SH3BGR: variants seen among roughly 807,000 people sequenced by gnomAD.
The protein encoded by SH3BGR is SH3 domain-binding glutamic acid-rich protein.
SH3BGR carries 29 observed loss-of-function variants against 24.5 expected under a neutral mutation model. The ratio of observed to expected loss-of-function variants is 1.18; its 90% CI spans 0.88 to 1.61. The LOEUF is 1.61. Among genes scored for constraint, SH3BGR ranks in the 40% most tolerant of loss-of-function variants. The pLI is 0.00. For synonymous variants in SH3BGR, 55 were observed against 65.7 expected (o/e 0.84, Z 0.79); for missense variants, 162 against 205.8 (o/e 0.79, Z 1.30).
At chr21:39,486,336 A>G (rs1050102980) in intron 3 of SH3BGR, among the ~76,000 whole-genome samples, 22 of 152,226 alleles carry the variant, frequency 1.4e-4, no homozygotes, top group African/African-American at 4.6e-4. Flanking sequence ...ATTTTAGACA[A>G]ATTACTTATA....
intron 2 of SH3BGR, among the ~76,000 whole-genome samples, chr21:39,466,108 C>T (rs898029202): frequency 2.0e-5 from 3 of 152,110 alleles, no homozygotes; most frequent in African/African-American, 7.2e-5. Flanking sequence ...AAAGTACATA[C>T]GCGTCTCACA....
intron 3 of SH3BGR, among the ~76,000 whole-genome samples, chr21:39,488,166 T>C (rs959844122): frequency 6.6e-6 from 1 of 152,208 alleles, no homozygotes; most frequent in Non-Finnish European, 1.5e-5. Flanking sequence ...AAATTTTGAC[T>C]AAGCCCACTG....
chr21:39,467,823 T>G (rs550093677), intron 2 of SH3BGR, among the ~76,000 whole-genome samples: 1 of 152,306 alleles, frequency 6.6e-6, no homozygotes, highest in Non-Finnish European at 1.5e-5. Context: ...CCTCAGTGCC[T>G]TCCTGCCCCT....
chr21:39,449,600 A>AT, upstream of SH3BGR, among the ~76,000 whole-genome samples: 2 of 152,320 alleles, frequency 1.3e-5, no homozygotes, highest in Admixed American at 1.3e-4. Flanking sequence ...GAGTTTTCAG[A>AT]TTTTTAATTT....
intron 6 of SH3BGR, among the ~76,000 whole-genome samples, chr21:39,513,678 T>TG (rs1490365995): frequency 4.6e-5 from 7 of 152,112 alleles, no homozygotes; most frequent in African/African-American, 1.7e-4. Flanking sequence ...AGGAGTGGGT[T>TG]GGGACTCATT....
chr21:39,492,257 A>G (rs2078311667), intron 3 of SH3BGR, among the ~76,000 whole-genome samples: 2 of 151,954 alleles, frequency 1.3e-5, no homozygotes, highest in African/African-American at 2.4e-5. Context: ...CTGAGTCCCC[A>G]AAGTCCATTG....
At chr21:39,498,283 G>GGT (rs146231150) in intron 3 of SH3BGR, among the ~76,000 whole-genome samples, 8 of 151,922 alleles carry the variant, frequency 5.3e-5, no homozygotes, top group East Asian at 1.9e-4. Context: ...GGGATTGGAG[G>GGT]GTGTGTGTGT....
At position 39,492,466 on chromosome 21, in the gene SH3BGR, G is replaced by GTGTGTGTGTGTATAT. The variant is rs1404293146; in HGVS notation, c.313-7356_313-7355insGTGTGTGTGTATATT. Among the ~76,000 whole-genome samples the GTGTGTGTGTGTATAT allele has an allele frequency of 1.1e-3, 150 of 139,770 alleles. 2 individuals are homozygous for GTGTGTGTGTGTATAT. The highest frequency in any genetic ancestry group is 3.8e-3 in the African/African-American group (134 of 34,840). The allele number at this position is 139,770 out of a possible 152,430, so 91.7% of individuals were successfully genotyped here. ...TTGGTGTGTGTGTGTGTGTGTGTGTGTATATATATATATATACACACACAC... is the reference window on the plus strand; with the variant it reads ...TTGGTGTGTGTGTGTGTGTGTGTGTGTGTGTGTGTGTATATTATATATATATATATACACACACAC... On this transcript the variant is annotated intron_variant, in intron 3 of 6. Coordinates refer to ENST00000333634, the MANE Select transcript of SH3BGR (RefSeq NM_007341.3).
chr21:39,479,753 ACTT>A lies in SH3BGR; in HGVS notation c.312+4545_312+4547del, dbSNP rs553597848. 3.7e-4 allele frequency among the ~76,000 whole-genome samples: 57 copies of A among 152,188 alleles called. No individual in the cohort carries two copies. The South Asian group carries it at 0.011, about 29-fold the overall frequency. ...AGGGATGAGGAGGGAAACTAAATCT[ACTT>A]CTTCTTTCTCTCACATCGCTCTTTG... On this transcript the variant is annotated intron_variant, in intron 3 of 6. Coordinates refer to ENST00000333634, the MANE Select transcript of SH3BGR (RefSeq NM_007341.3).
chr21:39,514,938 C>T, intron 6 of SH3BGR, 150 bp from the exon 7 acceptor site: 1 of 279,250 alleles, frequency 3.6e-6, no homozygotes, highest in Non-Finnish European at 7.2e-6. Flanking sequence ...GACAAATTCC[C>T]TTTCCTTTCA....
chr21:39,478,364 C>T (rs2078062655), intron 3 of SH3BGR, among the ~76,000 whole-genome samples: 1 of 152,220 alleles, frequency 6.6e-6, no homozygotes, highest in African/African-American at 2.4e-5. Flanking sequence ...CTTCCCACTT[C>T]CAGAGCTGCT....
upstream of SH3BGR, among the ~76,000 whole-genome samples, chr21:39,451,167 A>G (rs970415579): frequency 6.6e-6 from 1 of 152,218 alleles, no homozygotes; most frequent in Non-Finnish European, 1.5e-5. Context: ...AAATATTAAC[A>G]TGTATAAACA....
intron 6 of SH3BGR, among the ~76,000 whole-genome samples, chr21:39,512,745 T>C (rs2078717842): frequency 6.6e-6 from 1 of 152,008 alleles, no homozygotes. Flanking sequence ...TGAGCCAAGA[T>C]TGCACCACTG....
intron 4 of SH3BGR, among the ~76,000 whole-genome samples, chr21:39,506,432 T>A (rs2078584348): frequency 6.6e-6 from 1 of 152,174 alleles, no homozygotes; most frequent in Admixed American, 6.5e-5. Context: ...AGGAGGTGTA[T>A]TAGTCTGTTC....
In SH3BGR at chr21:39,487,139, T is replaced by G. The variant is rs555723825; in HGVS notation, c.312+11924T>G. On this transcript the variant is annotated intron_variant, in intron 3 of 6. Coordinates refer to ENST00000333634, the MANE Select transcript of SH3BGR (RefSeq NM_007341.3). ...ACAGAGATATACACAGCCATAACAA[T>G]GTTTTTTTGTTTCTGTTTTTTGAGG... 1.8e-4 allele frequency among the ~76,000 whole-genome samples: 28 copies of G among 151,856 alleles called. 1 individual carries two copies. In the South Asian group the frequency reaches 5.6e-3, roughly 31 times the overall value.
chr21:39,470,423 T>C (rs1403698648), intron 2 of SH3BGR, among the ~76,000 whole-genome samples: 2 of 152,076 alleles, frequency 1.3e-5, no homozygotes, highest in Admixed American at 6.6e-5. Context: ...CATGCCCTGC[T>C]AATTTTTTTG....
chr21:39,501,024 G>A (rs1388322824), intron 4 of SH3BGR, among the ~76,000 whole-genome samples: 1 of 152,212 alleles, frequency 6.6e-6, no homozygotes, highest in Non-Finnish European at 1.5e-5. Flanking sequence ...CTAGAAGTTA[G>A]ACGGTGTTTC....
intron 3 of SH3BGR, among the ~76,000 whole-genome samples, chr21:39,486,293 A>T (rs1372623862): frequency 6.6e-6 from 1 of 152,244 alleles, no homozygotes; most frequent in Non-Finnish European, 1.5e-5. Context: ...TTTCTGTGAC[A>T]TGCAAAACGA....
intron 2 of SH3BGR, among the ~76,000 whole-genome samples, chr21:39,472,761 A>C (rs965024349): frequency 2.6e-5 from 4 of 152,046 alleles, no homozygotes; most frequent in Admixed American, 6.6e-5. Flanking sequence ...ATTCATATTT[A>C]CTTTGAAGGC....
Sources: allele counts gnomAD v4.1 joint callset (sites outside exome capture counted in the v4.1 genomes callset), GRCh38; gene constraint gnomAD v4.1.1; transcripts MANE v1.5; gene names NCBI Gene and HGNC (gene_info 2026-07-23, HGNC 2026-07-21).